KLHDC8A: variants seen among roughly 807,000 people sequenced by gnomAD.
KLHDC8A encodes the protein kelch domain-containing protein 8A.
In KLHDC8A, 21 loss-of-function variants were observed where a neutral mutation model predicts 33.1. That is an observed-to-expected ratio of 0.64 (90% CI 0.45 to 0.91). The LOEUF (loss-of-function observed/expected upper bound fraction) is 0.91. KLHDC8A is among the 40% of genes least tolerant of loss of function. The pLI is 0.00. For missense variants in KLHDC8A, 435 were observed against 483.3 expected (o/e 0.90, Z 0.94); for synonymous variants, 173 against 193.5 (o/e 0.89, Z 0.88).
Position 205,336,934 on chromosome 1 carries a change from C to A in KLHDC8A, c.*465G>T. 1 of 179,832 alleles carries A rather than the reference C, an allele frequency of 5.6e-6. No homozygotes were observed. The highest frequency in any genetic ancestry group is 5.4e-5 in the Admixed American group (1 of 18,586). The allele number at this position is 179,832 out of a possible 1,614,324, so 11.1% of individuals were successfully genotyped here. On this transcript the variant is annotated 3_prime_UTR_variant, in exon 6 of 6. Coordinates refer to ENST00000367155, the MANE Select transcript of KLHDC8A (RefSeq NM_018203.3). ...CCACCAAATGGTGAAGAGATATAAG[C>A]CAAGGGAGAAGAAAGTGGTTTGGAA...
chr1:205,351,068 A>G (rs1663089479), intron 1 of KLHDC8A, among the ~76,000 whole-genome samples: 1 of 152,232 alleles, frequency 6.6e-6, no homozygotes, highest in African/African-American at 2.4e-5. Flanking sequence ...TTTGGAAGAC[A>G]AAAGCTCATT....
At chr1:205,338,163 G>C (rs1662685868) in intron 5 of KLHDC8A, among the ~76,000 whole-genome samples, 1 of 152,198 alleles carries the variant, frequency 6.6e-6, no homozygotes, top group South Asian at 2.1e-4. Context: ...GGTCAGAGGA[G>C]GACCAAGGCT....
chr1:205,339,220 G>T lies in KLHDC8A; in HGVS notation c.731C>A (p.Thr244Lys). The T allele has an allele frequency of 1.2e-6, 2 of 1,614,114 alleles. No individual in the cohort carries two copies. Among genetic ancestry groups the T allele is most frequent in the Non-Finnish European group, 1.7e-6 (2 of 1,180,006 alleles). Residue 244 changes from threonine (T) to lysine (K), a missense_variant, in exon 4 of 6, where the codon ACG becomes AAG. By Grantham distance (78) the Thr-to-Lys change is moderately conservative. Coordinates refer to ENST00000367155, the MANE Select transcript of KLHDC8A (RefSeq NM_018203.3). This position sits in a 1 kb window ranked among gnomAD's most constrained non-coding sequence, Gnocchi z 5.1. ...RLYRQPKFLRTMDVFDMEQGG... is the reference protein window; with the variant it reads ...RLYRQPKFLRKMDVFDMEQGG... ...CTGTTCCATGTCGAACACGTCCATCGTCCGCAGGAACTTGGGCTGCCGGTA... is the reference window on the plus strand; with the variant it reads ...CTGTTCCATGTCGAACACGTCCATCTTCCGCAGGAACTTGGGCTGCCGGTA...
At chr1:205,341,220 C>T (rs530742141) in intron 2 of KLHDC8A, among the ~76,000 whole-genome samples, 78 of 152,276 alleles carry the variant, frequency 5.1e-4, no homozygotes, top group African/African-American at 1.8e-3. Context: ...TCCCAGGCCT[C>T]TCTTTCTCAG....
chr1:205,351,602 CAA>C lies in KLHDC8A; in HGVS notation c.-190+4929_-190+4930del, dbSNP rs869257465. 385 of 106,484 alleles carry C rather than the reference CAA, an allele frequency of 3.6e-3. 1 individual carries two copies. Among genetic ancestry groups the C allele is most frequent in the African/African-American group, 7.3e-3 (129 of 17,648 alleles). The allele number at this position is 106,484 out of a possible 1,614,324, so 6.6% of individuals were successfully genotyped here. A position where few individuals can be genotyped will look rare whatever the true frequency, so the allele number is the denominator to read the frequency against. On this transcript the variant is annotated intron_variant, in intron 1 of 5. Coordinates refer to ENST00000367155, the MANE Select transcript of KLHDC8A (RefSeq NM_018203.3). ...TTGTTAAATAAACTTCTGTAATAGTCAAAAAAAAAAAAAAAAAAAAGAGGAGG... is the reference window on the plus strand; with the variant it reads ...TTGTTAAATAAACTTCTGTAATAGTCAAAAAAAAAAAAAAAAAAGAGGAGG...
rs1662862205 is a variant in KLHDC8A, at chr1:205,343,661, G to C, written c.-57C>G. 1.3e-6 allele frequency: 2 copies of C among 1,495,986 alleles called. No individual in the cohort carries two copies. Among genetic ancestry groups the C allele is most frequent in the African/African-American group, 2.8e-5 (2 of 71,566 alleles). 92.7% of individuals were successfully genotyped at this position (1,495,986 alleles called of 1,614,324 possible). A position where few individuals can be genotyped will look rare whatever the true frequency, so the allele number is the denominator to read the frequency against. On this transcript the variant is annotated 5_prime_UTR_variant, in exon 2 of 6. Transcript: ENST00000367155. ...GAGGTGCGAGCGCGGGGGTCCACCG[G>C]CTACTTGGCGCCGGCTCCCACGGCC...
In KLHDC8A at chr1:205,339,686, C is replaced by CA. The variant is rs760595509; in HGVS notation, c.498dup (p.Ala167CysfsTer30). On this transcript the variant is annotated frameshift_variant, in exon 3 of 6. Transcript: ENST00000367155. LOFTEE classifies it high-confidence loss of function. This position sits in a 1 kb window ranked among gnomAD's most constrained non-coding sequence, Gnocchi z 5.1. ...GAGCCTCGGAGGAAGGAGGTGGCAG[C>CA]ATATCTCGGGGTGGGCATGGGTGCT... 7 of 1,614,046 alleles carry CA rather than the reference C, an allele frequency of 4.3e-6. No individual in the cohort carries two copies. In the Admixed American group the frequency reaches 8.3e-5, roughly 19 times the overall value.
chr1:205,343,108 T>C (rs1216413016), intron 2 of KLHDC8A, 121 bp downstream of exon 2: 8 of 1,365,936 alleles, frequency 5.9e-6, no homozygotes, highest in Admixed American at 4.7e-5. Context: ...ACGCATGGGG[T>C]CTGCAGAAAT....
At chr1:205,351,914 C>T (rs576684594) in intron 1 of KLHDC8A, among the ~76,000 whole-genome samples, 3 of 142,814 alleles carry the variant, frequency 2.1e-5, no homozygotes, top group South Asian at 2.4e-4. Flanking sequence ...GGCGAAACTC[C>T]GTCTCAAAAA....
At chr1:205,355,381 G>A (rs1285366980) in intron 1 of KLHDC8A, among the ~76,000 whole-genome samples, 1 of 152,076 alleles carries the variant, frequency 6.6e-6, no homozygotes, top group South Asian at 2.1e-4. Context: ...CCTGAATGCC[G>A]CCTCCTCCAC....
chr1:205,350,147 C>T (rs551671163), intron 1 of KLHDC8A, among the ~76,000 whole-genome samples: 10 of 152,318 alleles, frequency 6.6e-5, no homozygotes, highest in African/African-American at 2.4e-4. Context: ...TGCCAGCTAC[C>T]CCAGGTCCAG....
Position 205,354,443 on chromosome 1 carries a change from A to T in KLHDC8A, c.-190+2090T>A, listed in dbSNP as rs143689606. On this transcript the variant is annotated intron_variant, in intron 1 of 5. Transcript: ENST00000367155. ...ATGTGTAATGAATATTGAGCTGTTTATTGCAAAGCGCTTACAATCCCTCAC... is the reference window on the plus strand; with the variant it reads ...ATGTGTAATGAATATTGAGCTGTTTTTTGCAAAGCGCTTACAATCCCTCAC... Among the ~76,000 whole-genome samples the T allele has an allele frequency of 1.9e-3, 282 of 152,314 alleles. 1 individual carries two copies. Among genetic ancestry groups the T allele is most frequent in the Middle Eastern group, 3.4e-3 (1 of 294 alleles).
chr1:205,337,863 C>T (rs1662677182), intron 5 of KLHDC8A, among the ~76,000 whole-genome samples: 1 of 152,210 alleles, frequency 6.6e-6, no homozygotes, highest in African/African-American at 2.4e-5. Flanking sequence ...TACTGCCTCA[C>T]TGCTGCCCTT....
intron 2 of KLHDC8A, among the ~76,000 whole-genome samples, chr1:205,340,225 G>C (rs1053434583): frequency 6.6e-6 from 1 of 151,986 alleles, no homozygotes; most frequent in African/African-American, 2.4e-5. Flanking sequence ...ATGTTGCCCA[G>C]GCTGGTCTCG....
chr1:205,337,046 C>T lies in KLHDC8A; in HGVS notation c.*353G>A, dbSNP rs529107455. The stretch of plus-strand genomic sequence containing the variant: ...AGACAGCAACAGCAGTCTATCCTCT[C>T]GGTCAGAACTGCTCTACCTGCCTCC... On this transcript the variant is annotated 3_prime_UTR_variant, in exon 6 of 6. Transcript: ENST00000367155. 3.5e-5 allele frequency: 9 copies of T among 259,692 alleles called. No homozygotes were observed. The highest frequency in any genetic ancestry group is 2.1e-4 in the African/African-American group (9 of 43,838). 16.1% of individuals were successfully genotyped at this position (259,692 alleles called of 1,614,324 possible).
At chr1:205,338,089 G>A (rs1031909174) in intron 5 of KLHDC8A, among the ~76,000 whole-genome samples, 4 of 152,194 alleles carry the variant, frequency 2.6e-5, no homozygotes, top group Admixed American at 6.5e-5. Flanking sequence ...AGATTCATCT[G>A]TTGAACTTAT....
At position 205,337,626 on chromosome 1, in the gene KLHDC8A, G is replaced by T. The variant is rs370338909; in HGVS notation, c.860-34C>A. 2.6e-6 allele frequency: 4 copies of T among 1,537,948 alleles called. No individual in the cohort carries two copies. The East Asian group carries it at 9.1e-5, about 35-fold the overall frequency. ...GTCAAGGGAATCAGACCTTACAAAG[G>T]AGTCCAACCACCAATCCATGCCCCA... On this transcript the variant is annotated intron_variant, in intron 5 of 5. Coordinates refer to ENST00000367155, the MANE Select transcript of KLHDC8A (RefSeq NM_018203.3).
intron 1 of KLHDC8A, among the ~76,000 whole-genome samples, chr1:205,350,041 C>T (rs1663053413): frequency 6.6e-6 from 1 of 152,124 alleles, no homozygotes; most frequent in Admixed American, 6.5e-5. Context: ...AGCATTTAGC[C>T]ATAGTGACAA....
chr1:205,337,399 C>T lies in KLHDC8A; in HGVS notation c.1053G>A (p.Ter351=), dbSNP rs755202991. Residue 351 remains the stop codon, a stop_retained_variant, in exon 6 of 6, where the codon TAG becomes TAA. Coordinates refer to ENST00000367155, the MANE Select transcript of KLHDC8A (RefSeq NM_018203.3). ...GCAAAGGTACTGAGCCCAGAGACAG[C>T]TAGGAGTCAGAGACACACAGGGCCT... The part of the protein sequence containing the change: ...AVEALCVSDS[*] 12 of 1,611,576 alleles carry T rather than the reference C, an allele frequency of 7.4e-6. No homozygotes were observed. In the Admixed American group the frequency reaches 2.0e-4, roughly 27 times the overall value.
Sources: gnomAD v4.1 joint callset for allele counts (sites outside exome capture counted in the v4.1 genomes callset) on GRCh38, gnomAD v4.1.1 for gene constraint, Gnocchi (gnomAD v3.1) non-coding constraint, MANE v1.5 for transcripts, NCBI Gene and HGNC (gene_info 2026-07-23, HGNC 2026-07-21) for gene names.